The following RBFOX2 variants were observed in gnomAD, a reference collection of about 807,000 sequenced individuals.
RBFOX2 encodes RNA binding protein fox-1 homolog 2.
RBFOX2 carries 10 observed loss-of-function variants against 49.1 expected under a neutral mutation model. That is an observed-to-expected ratio of 0.20 (90% confidence interval 0.13 to 0.35). The LOEUF (loss-of-function observed/expected upper bound fraction) is 0.35. Among genes scored for constraint, RBFOX2 ranks in the 10% least tolerant of loss-of-function variants. The pLI, the probability that RBFOX2 is intolerant of heterozygous loss-of-function variation, is 1.00. For missense variants in RBFOX2, 323 were observed against 486.9 expected (o/e 0.66, Z 3.17); for synonymous variants, 183 against 187.4 (o/e 0.98, Z 0.19).
intron 2 of RBFOX2, among the ~76,000 whole-genome samples, chr22:35,787,193 C>T (rs1373125168): frequency 6.6e-6 from 1 of 152,150 alleles, no homozygotes; most frequent in African/African-American, 2.4e-5. Flanking sequence ...GTGCGAGCCA[C>T]TACACATGAC....
chr22:35,845,250 C>A (rs891531590), upstream of RBFOX2, among the ~76,000 whole-genome samples: 21 of 152,122 alleles, frequency 1.4e-4, no homozygotes, highest in Non-Finnish European at 1.5e-5. Context: ...TCCAGAAGCA[C>A]CTCTAATACA....
intron 1 of RBFOX2, among the ~76,000 whole-genome samples, chr22:36,020,362 C>T (rs566295602): frequency 6.6e-6 from 1 of 152,216 alleles, no homozygotes; most frequent in South Asian, 2.1e-4. Context: ...ACTAAAACAC[C>T]AAAAGCAATG....
At chr22:35,994,233 AC>A (rs1357990012) in intron 1 of RBFOX2, 8 of 152,014 alleles carry the variant, frequency 5.3e-5, no homozygotes, top group Non-Finnish European at 1.2e-4. Context: ...TGAATCCAAC[AC>A]AGTTAAAATA....
intron 4 of RBFOX2, among the ~76,000 whole-genome samples, chr22:35,774,241 G>A (rs950525798): frequency 6.6e-6 from 1 of 152,016 alleles, no homozygotes; most frequent in Non-Finnish European, 1.5e-5. Context: ...ATTGAGGCTA[G>A]CCTGGATAAG....
chr22:35,934,923 C>T (rs902709661), intron 1 of RBFOX2, among the ~76,000 whole-genome samples: 15 of 152,022 alleles, frequency 9.9e-5, no homozygotes, highest in African/African-American at 3.6e-4. Context: ...ATCTAAAATC[C>T]TGCCTGGGTT....
At chr22:35,865,568 T>A (rs2043580673) in intron 1 of RBFOX2, among the ~76,000 whole-genome samples, 2 of 151,120 alleles carry the variant, frequency 1.3e-5, no homozygotes, top group Admixed American at 6.6e-5. Flanking sequence ...TTTATTATTA[T>A]TTTTTTTTGA....
At chr22:35,844,652 G>A (rs925607035), upstream of RBFOX2, among the ~76,000 whole-genome samples, 2 of 147,464 alleles carry the variant, frequency 1.4e-5, no homozygotes, top group African/African-American at 2.5e-5. Context: ...ACACCACCAT[G>A]CCCGGCAGTT....
In RBFOX2 at chr22:35,953,681, AT is replaced by A. The variant is rs545270794; in HGVS notation, c.42+7881del. The stretch of plus-strand genomic sequence containing the variant: ...TTATATGAATTTAACCTCCATTAAC[AT>A]TTTTTTTAAAAGCAATGCAGTATAC... On this transcript the variant is annotated intron_variant, in intron 1 of 5. Coordinates refer to the RBFOX2 transcript ENST00000408983. Among the ~76,000 whole-genome samples, 681 of 152,138 alleles carry A rather than the reference AT, an allele frequency of 4.5e-3. 1 individual carries two copies. The highest frequency in any genetic ancestry group is 0.017 in the Middle Eastern group (5 of 292).
chr22:35,878,977 G>A (rs941491348), intron 1 of RBFOX2, among the ~76,000 whole-genome samples: 6 of 151,624 alleles, frequency 4.0e-5, no homozygotes, highest in Non-Finnish European at 7.4e-5. Flanking sequence ...TGATCCACCC[G>A]CCTTGGCCTC....
At chr22:35,809,909 C>A in exon 2 of RBFOX2, 1 of 1,614,084 alleles carries the variant, frequency 6.2e-7, no homozygotes, top group Non-Finnish European at 8.5e-7. Context: ...GCACCCCATA[C>A]TCTGTGGGAA....
intron 1 of RBFOX2, among the ~76,000 whole-genome samples, chr22:35,990,346 C>T (rs2057922075): frequency 6.6e-6 from 1 of 151,974 alleles, no homozygotes. Context: ...GGCCAAAGAG[C>T]TGTTTAAGAG....
intron 5 of RBFOX2, among the ~76,000 whole-genome samples, chr22:35,765,810 A>G (rs376234920): frequency 2.0e-5 from 3 of 152,188 alleles, no homozygotes; most frequent in Admixed American, 1.3e-4. Context: ...ATAGGAAACT[A>G]TATTAGCAAT....
chr22:35,897,650 C>A, intron 1 of RBFOX2: 1 of 1,405,260 alleles, frequency 7.1e-7, no homozygotes, highest in South Asian at 1.2e-5. Context: ...TCCTTAACTG[C>A]ATTAACAATT....
chr22:35,985,921 T>C (rs895931128), intron 1 of RBFOX2, among the ~76,000 whole-genome samples: 2 of 149,664 alleles, frequency 1.3e-5, no homozygotes, highest in East Asian at 2.0e-4. Context: ...GATAGATAGA[T>C]AGATAGATAG....
chr22:35,872,107 G>A (rs903025336), intron 1 of RBFOX2, among the ~76,000 whole-genome samples: 3 of 152,194 alleles, frequency 2.0e-5, no homozygotes, highest in African/African-American at 4.8e-5. Context: ...CCTTTGAAGA[G>A]TTTACATAGC....
chr22:35,826,185 A>G (rs1682055902), intron 1 of RBFOX2, among the ~76,000 whole-genome samples: 1 of 151,514 alleles, frequency 6.6e-6, no homozygotes, highest in Non-Finnish European at 1.5e-5. Flanking sequence ...TAGTAAAAAT[A>G]GAAAAAATTA....
chr22:35,965,947 A>C (rs941387503), upstream of RBFOX2, among the ~76,000 whole-genome samples: 1 of 152,176 alleles, frequency 6.6e-6, no homozygotes, highest in Non-Finnish European at 1.5e-5. Flanking sequence ...AATTTTCACA[A>C]AGTGACCATC....
chr22:35,905,641 G>A (rs1054725859), intron 1 of RBFOX2, among the ~76,000 whole-genome samples: 7 of 152,142 alleles, frequency 4.6e-5, no homozygotes, highest in African/African-American at 9.7e-5. Context: ...GAATGAATGC[G>A]TTTACAGAGC....
intron 2 of RBFOX2, among the ~76,000 whole-genome samples, chr22:35,809,034 G>A (rs1388242932): frequency 1.3e-5 from 2 of 149,816 alleles, no homozygotes; most frequent in Non-Finnish European, 3.0e-5. Flanking sequence ...TAAGAGTTAA[G>A]TAGGAAATCG....
Sources: allele counts gnomAD v4.1 joint callset (sites outside exome capture counted in the v4.1 genomes callset), GRCh38; gene constraint gnomAD v4.1.1; transcripts MANE v1.5; gene names NCBI Gene and HGNC (gene_info 2026-07-23, HGNC 2026-07-21).